Variants in PRKAR1A observed in about 807,000 individuals in gnomAD.
The protein encoded by PRKAR1A is cAMP-dependent protein kinase type I-alpha regulatory subunit.
A neutral mutation model predicts 52.0 loss-of-function variants in PRKAR1A; 3 were observed. The observed-to-expected ratio is 0.06, with a 90% CI of 0.03 to 0.15. PRKAR1A has a LOEUF of 0.15. Ranked by LOEUF, PRKAR1A falls within the 10% of genes least tolerant of loss-of-function variation. The probability of loss-of-function intolerance (pLI) is 1.00; values close to 1 mark genes in which losing one functional copy is unlikely to be tolerated. For missense variants in PRKAR1A, 240 were observed against 477.4 expected (o/e 0.50, Z 4.63); for synonymous variants, 188 against 168.4 (o/e 1.12, Z -0.90).
chr17:68,480,777 T>C, the PRKAR1A span, among the ~76,000 whole-genome samples: 8 of 152,348 alleles, frequency 5.3e-5, no homozygotes, highest in African/African-American at 1.9e-4. Flanking sequence ...CTCGAACTTC[T>C]GGACTCAAGC....
intron 2 of PRKAR1A, among the ~76,000 whole-genome samples, chr17:68,516,736 AAAC>A (rs1296365100): frequency 1.3e-5 from 2 of 151,988 alleles, no homozygotes; most frequent in Non-Finnish European, 2.9e-5. Context: ...ATTAAAAAAA[AAAC>A]AAAAACAACT....
the PRKAR1A span, among the ~76,000 whole-genome samples, chr17:68,479,491 A>G: frequency 6.6e-6 from 1 of 152,212 alleles, no homozygotes; most frequent in Non-Finnish European, 1.5e-5. Flanking sequence ...GCTATCAGCC[A>G]TCATGTTTCA....
downstream of PRKAR1A, chr17:68,533,455 T>A (rs941191085): frequency 3.9e-5 from 41 of 1,039,568 alleles, no homozygotes; most frequent in Non-Finnish European, 4.8e-5. Flanking sequence ...ACAGTCCTGG[T>A]TATAGTTGAA....
At chr17:68,479,755 T>C in the PRKAR1A span, among the ~76,000 whole-genome samples, 3 of 152,252 alleles carry the variant, frequency 2.0e-5, no homozygotes, top group East Asian at 1.9e-4. Flanking sequence ...CACACTGTTA[T>C]GAAGAAATAC....
At chr17:68,501,282 T>C in the PRKAR1A span, among the ~76,000 whole-genome samples, 1 of 152,214 alleles carries the variant, frequency 6.6e-6, no homozygotes, top group African/African-American at 2.4e-5. Flanking sequence ...TTTCTAAATG[T>C]TCCTTCTGGG....
At chr17:68,495,952 TTCCTCTCCTCTC>T in the PRKAR1A span, among the ~76,000 whole-genome samples, 5 of 96,056 alleles carry the variant, frequency 5.2e-5, no homozygotes, top group African/African-American at 8.3e-5. Context: ...TTCCTTTCCT[TTCCTCTCCTCTC>T]TCCTCTCCTC....
At chr17:68,525,602 C>T in intron 6 of PRKAR1A, 152 bp from the exon 7 acceptor site, 1 of 781,132 alleles carries the variant, frequency 1.3e-6, no homozygotes, top group Non-Finnish European at 2.1e-6. Flanking sequence ...CAGAAATCAC[C>T]TATTCTTCTC....
the PRKAR1A span, among the ~76,000 whole-genome samples, chr17:68,501,480 C>G: frequency 2.6e-5 from 4 of 152,084 alleles, no homozygotes; most frequent in Non-Finnish European, 5.9e-5. Flanking sequence ...TTTTGAGACA[C>G]GGTCTTGCTA....
At chr17:68,460,567 G>A in the PRKAR1A span, among the ~76,000 whole-genome samples, 368 of 152,218 alleles carry the variant, frequency 2.4e-3, 9 homozygotes, top group East Asian at 0.064. Flanking sequence ...CAGGCTAATG[G>A]TCCATTATGG....
chr17:68,516,335 GTC>G (rs989534346), intron 2 of PRKAR1A, among the ~76,000 whole-genome samples: 10 of 152,210 alleles, frequency 6.6e-5, no homozygotes, highest in East Asian at 3.9e-4. Context: ...GAATGAAAAA[GTC>G]TGGGTTACCA....
chr17:68,521,386 C>T (rs936195110), intron 2 of PRKAR1A, among the ~76,000 whole-genome samples: 8 of 152,206 alleles, frequency 5.3e-5, no homozygotes, highest in Non-Finnish European at 8.8e-5. Context: ...TGTGCCACCA[C>T]GCCCAACTAA....
downstream of PRKAR1A, chr17:68,537,668 C>G: frequency 1.1e-5 from 17 of 1,613,838 alleles, no homozygotes; most frequent in East Asian, 2.2e-5. The surrounding 1 kb of genome is among the most constrained non-coding windows in gnomAD (Gnocchi z 4.2). Flanking sequence ...AGCAGTGATT[C>G]TCGCATCACA....
At chr17:68,461,581 A>G in the PRKAR1A span, among the ~76,000 whole-genome samples, 1 of 152,350 alleles carries the variant, frequency 6.6e-6, no homozygotes, top group South Asian at 2.1e-4. The surrounding 1 kb of genome is among the most constrained non-coding windows in gnomAD (Gnocchi z 4.6). Context: ...TATAAAGTCC[A>G]TTCTATTTTT....
the PRKAR1A span, among the ~76,000 whole-genome samples, chr17:68,475,176 G>A: frequency 1.3e-5 from 2 of 152,068 alleles, no homozygotes; most frequent in Non-Finnish European, 2.9e-5. Flanking sequence ...GGAATAAAAG[G>A]GAACTTCCTT....
At chr17:68,511,562 G>A (rs144106188), upstream of PRKAR1A, among the ~76,000 whole-genome samples, 1 of 152,172 alleles carries the variant, frequency 6.6e-6, no homozygotes, top group African/African-American at 2.4e-5. Flanking sequence ...GGCACTTCAG[G>A]TTCTAGAAGG....
rs373954801 is a variant in PRKAR1A, at chr17:68,522,949, G to A, written c.348+23G>A. ...AAGGTAGTTTTGATATTTGAATATCGGGGGGATGCTTTTGGGACCCACTTG... is the reference window on the plus strand; with the variant it reads ...AAGGTAGTTTTGATATTTGAATATCAGGGGGATGCTTTTGGGACCCACTTG... On this transcript the variant is annotated intron_variant, in intron 3 of 10. Transcript: ENST00000589228. 1.8e-4 allele frequency: 284 copies of A among 1,611,310 alleles called. 2 individuals carry two copies. The highest frequency in any genetic ancestry group is 2.3e-4 in the South Asian group (21 of 90,940).
chr17:68,417,554 T>C, the PRKAR1A span, among the ~76,000 whole-genome samples: 1 of 151,810 alleles, frequency 6.6e-6, no homozygotes, highest in Non-Finnish European at 1.5e-5. Flanking sequence ...CAGCAATTTG[T>C]CAATTACAGT....
the PRKAR1A span, chr17:68,428,205 T>G: frequency 6.6e-6 from 1 of 150,896 alleles, no homozygotes; most frequent in African/African-American, 2.5e-5. Context: ...GTAGAGCACT[T>G]TTCAATTCCA....
chr17:68,457,937 C>T, the PRKAR1A span, among the ~76,000 whole-genome samples: 114 of 152,306 alleles, frequency 7.5e-4, 1 homozygote, highest in African/African-American at 2.7e-3. Flanking sequence ...TGGTTTCAGT[C>T]CGGCAACTGC....
Sources: gnomAD v4.1 joint callset for allele counts (sites outside exome capture counted in the v4.1 genomes callset) on GRCh38, gnomAD v4.1.1 for gene constraint, Gnocchi (gnomAD v3.1) non-coding constraint, MANE v1.5 for transcripts, NCBI Gene and HGNC (gene_info 2026-07-23, HGNC 2026-07-21) for gene names.